Variants in EIF4G3 observed in about 807,000 individuals in gnomAD.
The protein encoded by EIF4G3 is eukaryotic translation initiation factor 4 gamma 3, also known as eIF-4-gamma 3.
EIF4G3 carries 34 observed loss-of-function variants against 186.4 expected under a neutral mutation model. That is an observed-to-expected ratio of 0.18 (90% CI 0.14 to 0.24). The LOEUF (loss-of-function observed/expected upper bound fraction) is 0.24, where lower values mean the gene tolerates loss of function less well. EIF4G3 is among the 10% of genes least tolerant of loss of function. The probability of loss-of-function intolerance (pLI) is 1.00; values close to 1 mark genes in which losing one functional copy is unlikely to be tolerated. For synonymous variants in EIF4G3, 673 were observed against 679.5 expected, an observed-to-expected ratio of 0.99 and a Z score of 0.15; for missense variants, 1,536 against 1,948.5, an observed-to-expected ratio of 0.79 and a Z score of 3.99.
chr1:20,955,524 C>G (rs2096387602), intron 12 of EIF4G3, among the ~76,000 whole-genome samples: 1 of 152,142 alleles, frequency 6.6e-6, no homozygotes, highest in Non-Finnish European at 1.5e-5. Context: ...CATGAGCCAT[C>G]ACACCTGGCT....
At chr1:20,950,736 G>C (rs1359335638) in intron 12 of EIF4G3, among the ~76,000 whole-genome samples, 1 of 152,096 alleles carries the variant, frequency 6.6e-6, no homozygotes, top group Non-Finnish European at 1.5e-5. Context: ...AAAATATTGG[G>C]TTTTTCAGAG....
At chr1:20,923,413 G>A (rs2094622647) in intron 14 of EIF4G3, among the ~76,000 whole-genome samples, 1 of 152,040 alleles carries the variant, frequency 6.6e-6, no homozygotes, top group Non-Finnish European at 1.5e-5. Context: ...AGGCACTTTT[G>A]CATTTTAATA....
chr1:21,129,909 C>T (rs989348687), intron 2 of EIF4G3, among the ~76,000 whole-genome samples: 1 of 152,028 alleles, frequency 6.6e-6, no homozygotes, highest in African/African-American at 2.4e-5. Context: ...ACTGACAAAG[C>T]CACATCTATG....
At chr1:21,042,176 C>T (rs1343195373) in intron 4 of EIF4G3, among the ~76,000 whole-genome samples, 1 of 152,036 alleles carries the variant, frequency 6.6e-6, no homozygotes, top group African/African-American at 2.4e-5. Flanking sequence ...TGGGGTTTCC[C>T]CACATTGCCC....
chr1:20,879,511 T>G lies in EIF4G3; in HGVS notation c.2434A>C (p.Arg812=). ...TTATTTAAGATACTTCGAACTTTTC[T>G]AAAAAGCTCCTAGAAGGGCCACAAA... is the stretch of plus-strand genomic sequence containing the variant. ...PENIKTQELF[R]KVRSILNKLT... Residue 812 remains arginine (R), a synonymous_variant, in exon 20 of 37, where the codon AGA becomes CGA. Coordinates refer to ENST00000602326, the MANE Select transcript of EIF4G3 (RefSeq NM_001391906.1). 7.0e-7 allele frequency: 1 copy of G among 1,428,066 alleles called. No homozygotes were observed. The highest frequency in any genetic ancestry group is 9.2e-7 in the Non-Finnish European group (1 of 1,081,536). 88.5% of individuals were successfully genotyped at this position (1,428,066 alleles called of 1,614,324 possible). A position where few individuals can be genotyped will look rare whatever the true frequency, so the allele number is the denominator to read the frequency against.
chr1:20,987,075 GAATA>G (rs1250480481), intron 7 of EIF4G3, among the ~76,000 whole-genome samples: 1 of 152,144 alleles, frequency 6.6e-6, no homozygotes, highest in Non-Finnish European at 1.5e-5. Context: ...CTAGAAGCCA[GAATA>G]AAAAATGTTT....
intron 2 of EIF4G3, among the ~76,000 whole-genome samples, chr1:21,155,899 G>A (rs2097650945): frequency 6.6e-6 from 1 of 152,210 alleles, no homozygotes; most frequent in East Asian, 1.9e-4. Context: ...CGCTGAGGCA[G>A]GAGGATCACT....
intron 3 of EIF4G3, among the ~76,000 whole-genome samples, chr1:21,076,845 GAAA>G (rs2095604277): frequency 6.6e-6 from 1 of 151,994 alleles, no homozygotes; most frequent in African/African-American, 2.4e-5. Context: ...ACGAATACAA[GAAA>G]ACACCAAGGA....
chr1:21,145,637 A>T (rs193146655), intron 2 of EIF4G3, among the ~76,000 whole-genome samples: 201 of 152,296 alleles, frequency 1.3e-3, no homozygotes, highest in African/African-American at 4.8e-3. Flanking sequence ...GATTTCCCTT[A>T]AAGAAAACAT....
chr1:20,957,506 A>G (rs1323335581), intron 12 of EIF4G3, among the ~76,000 whole-genome samples: 10 of 148,322 alleles, frequency 6.7e-5, no homozygotes, highest in Non-Finnish European at 1.5e-4. Flanking sequence ...AGCACAAACT[A>G]AACAAGACTC....
intron 2 of EIF4G3, among the ~76,000 whole-genome samples, chr1:21,105,160 C>T (rs1190482818): frequency 3.9e-5 from 6 of 152,164 alleles, no homozygotes; most frequent in African/African-American, 1.4e-4. Flanking sequence ...CGTTGGCTCA[C>T]GCCTGTAATA....
At chr1:21,158,552 T>C (rs1476082342) in intron 2 of EIF4G3, among the ~76,000 whole-genome samples, 1 of 152,128 alleles carries the variant, frequency 6.6e-6, no homozygotes, top group Non-Finnish European at 1.5e-5. Flanking sequence ...CAAATACTTA[T>C]TTCAACTTAG....
At chr1:20,994,712 T>C (rs2081920525) in intron 7 of EIF4G3, among the ~76,000 whole-genome samples, 3 of 149,122 alleles carry the variant, frequency 2.0e-5, no homozygotes, top group African/African-American at 7.4e-5. Context: ...ACTGCAACTT[T>C]GACCACCTGG....
At position 20,927,046 on chromosome 1, in the gene EIF4G3, C is replaced by CT. The variant is rs757963098; in HGVS notation, c.1663+14444dup. On this transcript the variant is annotated intron_variant, in intron 14 of 36. Transcript: ENST00000602326. ...TCATATTGAAAAATTGAAAAAAATA[C>CT]TTTTTTTTTTTTTTTTTGAGGTGGA... is the stretch of plus-strand genomic sequence containing the variant. Among the ~76,000 whole-genome samples, 477 of 139,238 alleles carry CT rather than the reference C, an allele frequency of 3.4e-3. 1 individual carries two copies. Among genetic ancestry groups the CT allele is most frequent in the Middle Eastern group, 0.011 (3 of 272 alleles). The allele number at this position is 139,238 out of a possible 152,430, so 91.3% of individuals were successfully genotyped here.
chr1:20,864,721 T>C lies in EIF4G3; in HGVS notation c.2770-9A>G. On this transcript the variant is annotated splice_polypyrimidine_tract_variant and intron_variant, in intron 21 of 36. Transcript: ENST00000602326. ...CTTGTCCTCTCCTCTGGCTGTTGTG[T>C]AAGGAGGAATAATAGCATCTTGATG... 1 of 1,600,158 alleles carries C rather than the reference T, an allele frequency of 6.2e-7. No homozygotes were observed. Among genetic ancestry groups the C allele is most frequent in the Non-Finnish European group, 8.6e-7 (1 of 1,167,948 alleles).
chr1:20,956,316 A>G (rs1409232235), intron 12 of EIF4G3, among the ~76,000 whole-genome samples: 1 of 152,190 alleles, frequency 6.6e-6, no homozygotes, highest in African/African-American at 2.4e-5. Flanking sequence ...GAGACACTGG[A>G]TAGTATTTTG....
At chr1:20,826,721 C>G (rs1468575606) in intron 32 of EIF4G3, among the ~76,000 whole-genome samples, 1 of 151,924 alleles carries the variant, frequency 6.6e-6, no homozygotes, top group Non-Finnish European at 1.5e-5. Flanking sequence ...ATCTCTTAAC[C>G]TCGTGATCTG....
chr1:20,973,957 A>C (rs761661661), intron 10 of EIF4G3, among the ~76,000 whole-genome samples: 6 of 152,174 alleles, frequency 3.9e-5, no homozygotes, highest in Non-Finnish European at 7.3e-5. Context: ...GAGCCTATAG[A>C]TTTGCTGATG....
chr1:20,996,529 G>A (rs1425604987), intron 7 of EIF4G3, among the ~76,000 whole-genome samples: 1 of 152,116 alleles, frequency 6.6e-6, no homozygotes, highest in African/African-American at 2.4e-5. Flanking sequence ...GAAAAACAGA[G>A]TCAGGTATTA....
Sources: allele counts gnomAD v4.1 joint callset (sites outside exome capture counted in the v4.1 genomes callset), GRCh38; gene constraint gnomAD v4.1.1; transcripts MANE v1.5; gene names NCBI Gene and HGNC (gene_info 2026-07-23, HGNC 2026-07-21).